The following ARPC2 variants were observed in gnomAD, a reference collection of about 807,000 sequenced individuals.
ARPC2 encodes the protein actin-related protein 2/3 complex subunit 2.
A neutral mutation model predicts 38.6 loss-of-function variants in ARPC2; 4 were observed. The observed-to-expected ratio is 0.10, with a 90% CI of 0.05 to 0.24. ARPC2 has a LOEUF of 0.24. ARPC2 is among the 10% of genes least tolerant of loss of function. The probability of loss-of-function intolerance (pLI) is 1.00; values close to 1 mark genes in which losing one functional copy is unlikely to be tolerated. For synonymous variants in ARPC2, 125 were observed against 140.8 expected (o/e 0.89, Z 0.79); for missense variants, 229 against 387.3 (o/e 0.59, Z 3.43).
intron 2 of ARPC2, among the ~76,000 whole-genome samples, chr2:218,225,088 C>T (rs764684237): frequency 2.6e-5 from 4 of 152,188 alleles, no homozygotes; most frequent in Non-Finnish European, 5.9e-5. Context: ...CTACTTTGGA[C>T]TTCAGGTCTG....
At chr2:218,239,041 A>T (rs553038010) in intron 6 of ARPC2, 191 bp downstream of exon 6, 4 of 577,706 alleles carry the variant, frequency 6.9e-6, no homozygotes, top group African/African-American at 1.9e-5. Context: ...AGATACTGAG[A>T]GCTGACAGAT....
In ARPC2 at chr2:218,228,731, C is replaced by G; in HGVS notation, c.110-7C>G. 1 of 1,527,338 alleles carries G rather than the reference C, an allele frequency of 6.5e-7. No individual in the cohort carries two copies. The highest frequency in any genetic ancestry group is 9.1e-7 in the Non-Finnish European group (1 of 1,102,002). The allele number at this position is 1,527,338 out of a possible 1,614,324, so 94.6% of individuals were successfully genotyped here. A position where few individuals can be genotyped will look rare whatever the true frequency, so the allele number is the denominator to read the frequency against. On this transcript the variant is annotated splice_region_variant and splice_polypyrimidine_tract_variant and intron_variant, in intron 3 of 10. Coordinates refer to ENST00000315717, the MANE Select transcript of ARPC2 (RefSeq NM_152862.3). ...TTGTTACGCAATCTTATTTGCTTTC[C>G]TCACAGATTTCGATGGGGTCCTCTA... is the stretch of plus-strand genomic sequence containing the variant.
chr2:218,241,106 A>T (rs2106155276), intron 7 of ARPC2, among the ~76,000 whole-genome samples: 1 of 152,278 alleles, frequency 6.6e-6, no homozygotes, highest in East Asian at 1.9e-4. Flanking sequence ...TTTTTTGAAA[A>T]CGTTACTACC....
intron 4 of ARPC2, chr2:218,233,469 A>C (rs1689689692): frequency 6.6e-6 from 1 of 151,948 alleles, no homozygotes; most frequent in African/African-American, 2.4e-5. Context: ...TTTTCATTTA[A>C]TTCAAAAACC....
intron 2 of ARPC2, among the ~76,000 whole-genome samples, chr2:218,224,250 A>G (rs1689447342): frequency 6.6e-6 from 1 of 152,194 alleles, no homozygotes; most frequent in Non-Finnish European, 1.5e-5. Flanking sequence ...ATTTATTTAT[A>G]GTTGGTTTTT....
chr2:218,233,671 T>G (rs1689697407), intron 4 of ARPC2: 1 of 123,566 alleles, frequency 8.1e-6, no homozygotes, highest in South Asian at 2.6e-4. Flanking sequence ...CCGAGAGTCC[T>G]GGTTTTTTCT....
rs1689839834 is a variant in ARPC2 at position 218,238,861 on chromosome 2, A to G, written c.455+11A>G. 1 of 1,595,790 alleles carries G rather than the reference A, an allele frequency of 6.3e-7. No homozygotes were observed. The highest frequency in any genetic ancestry group is 1.3e-5 in the African/African-American group (1 of 74,536). ...GGATGATGAGACCATGTGAGTATAG[A>G]ATTTGGTCCTGAAGCCTGGATATGG... On this transcript the variant is annotated intron_variant, in intron 6 of 10. Coordinates refer to ENST00000315717, the MANE Select transcript of ARPC2 (RefSeq NM_152862.3).
At chr2:218,249,014 TA>T (rs1449174039) in intron 8 of ARPC2, among the ~76,000 whole-genome samples, 1 of 152,234 alleles carries the variant, frequency 6.6e-6, no homozygotes, top group African/African-American at 2.4e-5. Flanking sequence ...TACAGCCAGT[TA>T]GTGTGATCCT....
intron 7 of ARPC2, among the ~76,000 whole-genome samples, chr2:218,241,821 TG>T (rs1689923020): frequency 6.6e-6 from 1 of 152,272 alleles, no homozygotes; most frequent in Non-Finnish European, 1.5e-5. Context: ...CCTGGTGCAG[TG>T]CTAGCTAGAC....
chr2:218,228,016 T>G (rs928046378), intron 3 of ARPC2, among the ~76,000 whole-genome samples: 1 of 152,212 alleles, frequency 6.6e-6, no homozygotes, highest in African/African-American at 2.4e-5. Context: ...TTCTGAGTAT[T>G]TATGGATGAA....
rs1690252015 is a variant in ARPC2 at position 218,253,871 on chromosome 2, A to G, written c.879-20A>G. On this transcript the variant is annotated intron_variant, in intron 10 of 10. Transcript: ENST00000315717. ...AGGGCAGCCAGAAACTGACCTTCGC[A>G]CTTATCTCTCCTTTTGAAGGGGGAA... The G allele has an allele frequency of 1.9e-6, 3 of 1,613,560 alleles. No homozygotes were observed. The highest frequency in any genetic ancestry group is 1.1e-5 in the South Asian group (1 of 91,016).
At chr2:218,218,207 CT>C (rs1039084939) in intron 2 of ARPC2, among the ~76,000 whole-genome samples, 2 of 152,212 alleles carry the variant, frequency 1.3e-5, no homozygotes, top group African/African-American at 4.8e-5. Flanking sequence ...CTTATCTCTC[CT>C]TTGAGGTTCT....
In ARPC2 at chr2:218,254,256, A is replaced by G. The variant is rs1690263843; in HGVS notation, c.*341A>G. Reference sequence around the variant, plus strand: ...TAATGAGTTGCAGGATAATGCAGTCATAACTTGTTTTCTCCTAAGTATTTG... The same window carrying G: ...TAATGAGTTGCAGGATAATGCAGTCGTAACTTGTTTTCTCCTAAGTATTTG... On this transcript the variant is annotated 3_prime_UTR_variant, in exon 11 of 11. Transcript: ENST00000315717. 1 of 232,032 alleles carries G rather than the reference A, an allele frequency of 4.3e-6. No homozygotes were observed. Among genetic ancestry groups the G allele is most frequent in the Non-Finnish European group, 8.5e-6 (1 of 118,214 alleles). 14.4% of individuals were successfully genotyped at this position (232,032 alleles called of 1,614,324 possible).
Position 218,245,400 on chromosome 2 carries a change from C to G in ARPC2, c.550-20C>G. On this transcript the variant is annotated intron_variant, in intron 7 of 10. Coordinates refer to ENST00000315717, the MANE Select transcript of ARPC2 (RefSeq NM_152862.3). ...CTTACACCCACTTCTCTTCTGGTTG[C>G]TTTTGCTTTGTCTTGGCAGGAGTTC... is the stretch of plus-strand genomic sequence containing the variant. 4 of 1,613,782 alleles carry G rather than the reference C, an allele frequency of 2.5e-6. No individual in the cohort carries two copies. Among genetic ancestry groups the G allele is most frequent in the Non-Finnish European group, 2.5e-6 (3 of 1,179,904 alleles).
intron 10 of ARPC2, among the ~76,000 whole-genome samples, 173 bp from the exon 11 acceptor site, chr2:218,253,718 G>T (rs553927437): frequency 6.6e-6 from 1 of 152,268 alleles, no homozygotes; most frequent in East Asian, 1.9e-4. Context: ...AAACCATTCT[G>T]TGAAAGCCAG....
intron 3 of ARPC2, among the ~76,000 whole-genome samples, chr2:218,226,497 C>T (rs573714871): frequency 3.3e-5 from 5 of 150,336 alleles, no homozygotes; most frequent in Admixed American, 1.3e-4. Flanking sequence ...GGCATGGTGG[C>T]GGGCACCTGT....
intron 2 of ARPC2, among the ~76,000 whole-genome samples, chr2:218,220,711 T>C (rs1468625948): frequency 1.4e-5 from 2 of 143,166 alleles, no homozygotes; most frequent in East Asian, 4.1e-4. Context: ...AAAGCAGTGT[T>C]GTCATCTAAA....
chr2:218,222,830 G>A (rs1291015800), intron 2 of ARPC2, among the ~76,000 whole-genome samples: 2 of 152,182 alleles, frequency 1.3e-5, no homozygotes, highest in Non-Finnish European at 2.9e-5. Flanking sequence ...CTTGAGGATT[G>A]GGGGTGGGGG....
intron 3 of ARPC2, chr2:218,226,981 C>A (rs1180845878): frequency 2.2e-6 from 1 of 456,564 alleles, no homozygotes; most frequent in South Asian, 1.5e-5. Context: ...GGTGTTGGTA[C>A]TATTTACTTG....
Sources: allele counts gnomAD v4.1 joint callset (sites outside exome capture counted in the v4.1 genomes callset), GRCh38; gene constraint gnomAD v4.1.1; transcripts MANE v1.5; gene names NCBI Gene and HGNC (gene_info 2026-07-23, HGNC 2026-07-21).